RUNX1: variants seen among roughly 807,000 people sequenced by gnomAD.
The protein encoded by RUNX1 is runt-related transcription factor 1.
A neutral mutation model predicts 42.8 loss-of-function variants in RUNX1; 19 were observed. That is an observed-to-expected ratio of 0.44 (90% confidence interval 0.31 to 0.65). The LOEUF (loss-of-function observed/expected upper bound fraction) is 0.65. Ranked by LOEUF, RUNX1 falls within the 30% of genes least tolerant of loss-of-function variation. The pLI is 0.07. For missense variants in RUNX1, 528 were observed against 672.0 expected (o/e 0.79, Z 2.37); for synonymous variants, 271 against 289.4 (o/e 0.94, Z 0.64).
chr21:34,811,585 G>A (rs1265576840), intron 7 of RUNX1, among the ~76,000 whole-genome samples: 2 of 152,176 alleles, frequency 1.3e-5, no homozygotes, highest in Non-Finnish European at 2.9e-5. Flanking sequence ...AGCTCTGAAC[G>A]GCTTTACAAC....
chr21:34,963,863 A>G (rs1364569352), intron 2 of RUNX1, among the ~76,000 whole-genome samples: 1 of 152,242 alleles, frequency 6.6e-6, no homozygotes, highest in Non-Finnish European at 1.5e-5. Context: ...CCTGACTGTC[A>G]GGTACAAGGA....
chr21:34,949,540 GT>G lies in RUNX1; in HGVS notation c.59-56578del, dbSNP rs2058590923. 3.3e-5 allele frequency among the ~76,000 whole-genome samples: 5 copies of G among 152,258 alleles called. No homozygotes were observed. In the South Asian group the frequency reaches 1.0e-3, roughly 31 times the overall value. On this transcript the variant is annotated intron_variant, in intron 2 of 8. Coordinates refer to ENST00000675419, the MANE Select transcript of RUNX1 (RefSeq NM_001754.5). ...AATGGTTAAAGTGATGTTTGAGGAT[GT>G]AACCTACCAGTGGAATGAGGCAAGA...
chr21:34,815,730 A>G (rs1184374736), intron 7 of RUNX1, among the ~76,000 whole-genome samples: 2 of 152,136 alleles, frequency 1.3e-5, no homozygotes, highest in Non-Finnish European at 2.9e-5. Flanking sequence ...TAGGTAAATC[A>G]TGCACTCTTA....
intron 2 of RUNX1, among the ~76,000 whole-genome samples, chr21:34,935,003 A>T (rs1376091664): frequency 1.3e-5 from 2 of 150,532 alleles, no homozygotes; most frequent in African/African-American, 2.4e-5. Flanking sequence ...CATGTTTTTG[A>T]TTCTGTCTTT....
At chr21:34,918,976 A>C (rs1035115731) in intron 2 of RUNX1, among the ~76,000 whole-genome samples, 1 of 152,258 alleles carries the variant, frequency 6.6e-6, no homozygotes, top group Admixed American at 6.5e-5. Flanking sequence ...ATTTTGAGAT[A>C]TATCATAATG....
At chr21:34,880,745 T>C in intron 4 of RUNX1, 32 bp from the exon 5 acceptor site, 1 of 1,611,824 alleles carries the variant, frequency 6.2e-7, no homozygotes, top group South Asian at 1.1e-5. Flanking sequence ...AATGCAGACA[T>C]CAGGGATGTT....
At chr21:34,807,548 G>A (rs2056696772) in intron 7 of RUNX1, among the ~76,000 whole-genome samples, 1 of 152,218 alleles carries the variant, frequency 6.6e-6, no homozygotes, top group Non-Finnish European at 1.5e-5. Context: ...GGCAGCCCTG[G>A]TTATTTCCCT....
intron 2 of RUNX1, among the ~76,000 whole-genome samples, chr21:34,962,338 C>A (rs1444834230): frequency 6.6e-6 from 1 of 152,204 alleles, no homozygotes; most frequent in Non-Finnish European, 1.5e-5. Flanking sequence ...ACTGAGAACT[C>A]CACAACTAAG....
chr21:34,848,862 T>C (rs1372886166), intron 6 of RUNX1, among the ~76,000 whole-genome samples: 2 of 152,088 alleles, frequency 1.3e-5, no homozygotes, highest in Non-Finnish European at 2.9e-5. Flanking sequence ...TACAACCACT[T>C]CAAAGGTAAG....
At chr21:34,807,700 C>CA (rs1278566771) in intron 7 of RUNX1, among the ~76,000 whole-genome samples, 8 of 152,264 alleles carry the variant, frequency 5.3e-5, no homozygotes, top group Middle Eastern at 3.4e-3. Flanking sequence ...ACTCAGGACT[C>CA]AGAGATGTGA....
chr21:35,036,079 G>A (rs1476895433), intron 2 of RUNX1, among the ~76,000 whole-genome samples: 1 of 152,184 alleles, frequency 6.6e-6, no homozygotes, highest in African/African-American at 2.4e-5. Context: ...GAAGACAGAA[G>A]AGGGAGCAGG....
chr21:34,991,643 C>T (rs2058941324), intron 2 of RUNX1, among the ~76,000 whole-genome samples: 1 of 152,074 alleles, frequency 6.6e-6, no homozygotes, highest in African/African-American at 2.4e-5. Flanking sequence ...ATGTGACTTG[C>T]CTGAAGTCAC....
chr21:34,870,877 G>A (rs766164915), intron 5 of RUNX1, among the ~76,000 whole-genome samples: 16 of 152,186 alleles, frequency 1.1e-4, no homozygotes, highest in East Asian at 1.9e-4. Context: ...AGGATTGCTT[G>A]AACACAGGAG....
At chr21:35,000,389 C>A (rs2059032426) in intron 2 of RUNX1, among the ~76,000 whole-genome samples, 1 of 151,910 alleles carries the variant, frequency 6.6e-6, no homozygotes, top group African/African-American at 2.4e-5. Context: ...TACAGGCACC[C>A]ACCACCACAC....
At chr21:34,890,450 C>T (rs1353132165) in intron 3 of RUNX1, among the ~76,000 whole-genome samples, 1 of 152,214 alleles carries the variant, frequency 6.6e-6, no homozygotes, top group Middle Eastern at 3.2e-3. Flanking sequence ...CGGACCAGGC[C>T]TCCCCGCTGT....
chr21:34,949,935 G>A (rs773780352), intron 2 of RUNX1, among the ~76,000 whole-genome samples: 6 of 152,182 alleles, frequency 3.9e-5, no homozygotes, highest in Non-Finnish European at 5.9e-5. Flanking sequence ...GCGGATGATG[G>A]GGCTTTGACA....
intron 2 of RUNX1, among the ~76,000 whole-genome samples, chr21:34,934,743 GTC>G (rs1045760735): frequency 7.2e-5 from 11 of 152,280 alleles, no homozygotes; most frequent in African/African-American, 2.6e-4. Flanking sequence ...GATTCATGAG[GTC>G]AAAGCTGGGA....
intron 2 of RUNX1, among the ~76,000 whole-genome samples, chr21:34,898,519 T>C (rs2058147609): frequency 6.6e-6 from 1 of 152,116 alleles, no homozygotes; most frequent in African/African-American, 2.4e-5. Flanking sequence ...ACCAAGCTGG[T>C]ATTTTTATCT....
Position 34,843,667 on chromosome 21 carries a change from T to C in RUNX1, c.614-9066A>G, listed in dbSNP as rs1026270975. On this transcript the variant is annotated intron_variant, in intron 6 of 8. Transcript: ENST00000675419. This position sits in a 1 kb window ranked among gnomAD's most constrained non-coding sequence, Gnocchi z 4.8. ...TTCAAGCCAGAGACGCACACAGGCC[T>C]GCCCCTCCCCAGCCCCCCTGCACCA... Among the ~76,000 whole-genome samples the C allele has an allele frequency of 6.6e-6, 1 of 152,080 alleles. No individual in the cohort carries two copies. Among genetic ancestry groups the C allele is most frequent in the Non-Finnish European group, 1.5e-5 (1 of 68,014 alleles).
Sources: allele counts gnomAD v4.1 joint callset (sites outside exome capture counted in the v4.1 genomes callset), GRCh38; gene constraint gnomAD v4.1.1; non-coding constraint Gnocchi (gnomAD v3.1); transcripts MANE v1.5; gene names NCBI Gene and HGNC (gene_info 2026-07-23, HGNC 2026-07-21).